PAIP2: variants seen among roughly 807,000 people sequenced by gnomAD.
PAIP2 encodes polyadenylate-binding protein-interacting protein 2.
In PAIP2, 7 loss-of-function variants were observed where a neutral mutation model predicts 14.8. That is an observed-to-expected ratio of 0.47 (90% CI 0.27 to 0.89). PAIP2 has a LOEUF of 0.89. Among genes scored for constraint, PAIP2 ranks in the 40% least tolerant of loss-of-function variants. The pLI is 0.13. For synonymous variants in PAIP2, 47 were observed against 45.3 expected (o/e 1.04, Z -0.15); for missense variants, 122 against 154.7 (o/e 0.79, Z 1.12).
At chr5:139,353,157 G>A (rs1756800624) in intron 1 of PAIP2, among the ~76,000 whole-genome samples, 1 of 151,614 alleles carries the variant, frequency 6.6e-6, no homozygotes, top group Admixed American at 6.6e-5. Flanking sequence ...TCAGTTTTGT[G>A]TTTTTTGTTT....
At chr5:139,342,229 C>G (rs1756400609) in intron 1 of PAIP2, among the ~76,000 whole-genome samples, 1 of 152,086 alleles carries the variant, frequency 6.6e-6, no homozygotes, top group Admixed American at 6.5e-5. Flanking sequence ...GATCTCGCAG[C>G]TCTCTATCCG....
chr5:139,355,166 CTTTTT>C (rs758442291), intron 1 of PAIP2, among the ~76,000 whole-genome samples: 3 of 118,748 alleles, frequency 2.5e-5, no homozygotes, highest in African/African-American at 6.5e-5. Flanking sequence ...TTGTCTCTCT[CTTTTT>C]TTTTTTTTTT....
chr5:139,362,405 G>GT (rs554669690), intron 1 of PAIP2, among the ~76,000 whole-genome samples: 3,683 of 73,886 alleles, frequency 0.05, 109 homozygotes, highest in Non-Finnish European at 0.06. Flanking sequence ...GTTTTTGGGT[G>GT]TTTTTTTTTT....
Position 139,349,666 on chromosome 5 carries a change from G to A in PAIP2, c.-27+7686G>A, listed in dbSNP as rs548787946. Among the ~76,000 whole-genome samples the A allele has an allele frequency of 1.1e-4, 16 of 152,266 alleles. No homozygotes were observed. The East Asian group carries it at 2.9e-3, about 28-fold the overall frequency. Reference sequence around the variant, plus strand: ...GAAAAAGCATAAGAAAAGTAAACATGAAATTATTATGAAAGACATAAAACG... The same window carrying A: ...GAAAAAGCATAAGAAAAGTAAACATAAAATTATTATGAAAGACATAAAACG... On this transcript the variant is annotated intron_variant, in intron 1 of 3. Coordinates refer to ENST00000265192, the MANE Select transcript of PAIP2 (RefSeq NM_016480.5).
chr5:139,360,837 G>A (rs1053695817), intron 1 of PAIP2, among the ~76,000 whole-genome samples: 1 of 151,350 alleles, frequency 6.6e-6, no homozygotes, highest in Non-Finnish European at 1.5e-5. Flanking sequence ...CTGAAGTGCA[G>A]TGATGTGATC....
chr5:139,348,609 G>T (rs536205128), intron 1 of PAIP2, among the ~76,000 whole-genome samples: 2 of 151,432 alleles, frequency 1.3e-5, no homozygotes, highest in South Asian at 2.1e-4. Context: ...TGCCCACCTC[G>T]GCCTCCCAAA....
intron 1 of PAIP2, among the ~76,000 whole-genome samples, chr5:139,354,864 G>A (rs1422955277): frequency 2.4e-4 from 34 of 143,864 alleles, no homozygotes; most frequent in African/African-American, 6.3e-4. Flanking sequence ...TCTGTTACCC[G>A]GGCTGGAGTG....
intron 1 of PAIP2, among the ~76,000 whole-genome samples, chr5:139,355,735 T>C (rs561511547): frequency 4.3e-4 from 66 of 152,042 alleles, no homozygotes; most frequent in Non-Finnish European, 7.1e-4. Flanking sequence ...CGGGCGCCTG[T>C]AATCCCAGCT....
intron 1 of PAIP2, among the ~76,000 whole-genome samples, chr5:139,348,654 G>A (rs537579825): frequency 1.3e-5 from 2 of 151,032 alleles, no homozygotes; most frequent in African/African-American, 2.4e-5. Context: ...ACTGTGCCTG[G>A]CCACGCCCAG....
At chr5:139,360,060 A>G (rs906162802) in intron 1 of PAIP2, among the ~76,000 whole-genome samples, 10 of 151,872 alleles carry the variant, frequency 6.6e-5, no homozygotes, top group African/African-American at 2.4e-4. Flanking sequence ...TCCACCTCTC[A>G]GGTTCAAGCG....
chr5:139,348,157 A>G (rs1199037750), intron 1 of PAIP2, among the ~76,000 whole-genome samples: 1 of 151,908 alleles, frequency 6.6e-6, no homozygotes, highest in Non-Finnish European at 1.5e-5. Flanking sequence ...AAAAAAAAAA[A>G]AAAAAAACTA....
At chr5:139,351,211 AAAT>A (rs1417704726) in intron 1 of PAIP2, among the ~76,000 whole-genome samples, 2 of 152,148 alleles carry the variant, frequency 1.3e-5, no homozygotes, top group South Asian at 4.1e-4. Flanking sequence ...ACATTTTTAT[AAAT>A]AATCTGTCAT....
intron 1 of PAIP2, among the ~76,000 whole-genome samples, chr5:139,345,229 C>T (rs561932411): frequency 4.6e-5 from 7 of 152,162 alleles, no homozygotes; most frequent in East Asian, 1.9e-4. Context: ...TTAATAGAGA[C>T]GGGGTTTCAC....
chr5:139,364,011 TTATGTA>T, intron 2 of PAIP2, 89 bp downstream of exon 2: 1 of 1,163,334 alleles, frequency 8.6e-7, no homozygotes, highest in Non-Finnish European at 1.3e-6. Flanking sequence ...ATCTTGTCCT[TTATGTA>T]TAAAGTATGT....
At chr5:139,350,813 A>T (rs1019774216) in intron 1 of PAIP2, among the ~76,000 whole-genome samples, 1 of 152,130 alleles carries the variant, frequency 6.6e-6, no homozygotes, top group African/African-American at 2.4e-5. Context: ...TGATATTGGT[A>T]TAGAAATACA....
chr5:139,363,172 T>C, intron 1 of PAIP2, among the ~76,000 whole-genome samples: 1 of 151,948 alleles, frequency 6.6e-6, no homozygotes, highest in African/African-American at 2.4e-5. Context: ...ACATGGGCAG[T>C]TGAGGTTGCA....
chr5:139,366,020 T>C (rs917089024), intron 3 of PAIP2, among the ~76,000 whole-genome samples: 1 of 151,736 alleles, frequency 6.6e-6, no homozygotes, highest in African/African-American at 2.4e-5. Flanking sequence ...ACCAACATGG[T>C]GAAACCCCGT....
rs1757136567 is a variant in PAIP2 at position 139,363,649 on chromosome 5, GCCA to G, written c.-26-109_-26-107del. On this transcript the variant is annotated intron_variant, in intron 1 of 3. Transcript: ENST00000265192. ...AGGCAAGAGATCGAGGCTGTGGTGAGCCATGATCACACCATTGCACTCCAGCCT... is the reference window on the plus strand; with the variant it reads ...AGGCAAGAGATCGAGGCTGTGGTGAGTGATCACACCATTGCACTCCAGCCT... The G allele has an allele frequency of 9.3e-5, 84 of 902,240 alleles. No homozygotes were observed. The African/African-American group carries it at 1.3e-3, about 14-fold the overall frequency. 55.9% of individuals were successfully genotyped at this position (902,240 alleles called of 1,614,324 possible).
At chr5:139,359,232 G>A (rs966207383) in intron 1 of PAIP2, among the ~76,000 whole-genome samples, 4 of 152,138 alleles carry the variant, frequency 2.6e-5, no homozygotes, top group African/African-American at 9.7e-5. Context: ...TACCTCCTGG[G>A]TTCAAGTGAT....
Sources: allele counts gnomAD v4.1 joint callset (sites outside exome capture counted in the v4.1 genomes callset), GRCh38; gene constraint gnomAD v4.1.1; transcripts MANE v1.5; gene names NCBI Gene and HGNC (gene_info 2026-07-23, HGNC 2026-07-21).